Variants in MAPKAP1 observed in about 807,000 individuals in gnomAD.
MAPKAP1 encodes MAPK associated protein 1, also known as target of rapamycin complex 2 subunit MAPKAP1.
MAPKAP1 carries 20 observed loss-of-function variants against 65.7 expected under a neutral mutation model. The ratio of observed to expected loss-of-function variants is 0.30; its 90% CI spans 0.21 to 0.44. The LOEUF is 0.44. Ranked by LOEUF, MAPKAP1 falls within the 20% of genes least tolerant of loss-of-function variation. MAPKAP1 has a pLI of 1.00. For missense variants in MAPKAP1, 423 were observed against 648.0 expected (o/e 0.65, Z 3.77); for synonymous variants, 222 against 244.3 (o/e 0.91, Z 0.85).
At chr9:125,692,389 C>A (rs1230726457) in intron 1 of MAPKAP1, among the ~76,000 whole-genome samples, 1 of 152,172 alleles carries the variant, frequency 6.6e-6, no homozygotes, top group Middle Eastern at 3.2e-3. Context: ...AAAATTATTA[C>A]ATTATATCAA....
intron 1 of MAPKAP1, among the ~76,000 whole-genome samples, chr9:125,686,979 C>T (rs1452805367): frequency 1.3e-5 from 2 of 152,022 alleles, no homozygotes; most frequent in East Asian, 1.9e-4. Context: ...GGTGCCACCA[C>T]CACGCCCGGC....
chr9:125,586,430 A>C (rs1453363744), intron 4 of MAPKAP1, among the ~76,000 whole-genome samples: 6 of 151,074 alleles, frequency 4.0e-5, no homozygotes, highest in African/African-American at 1.2e-4. Flanking sequence ...GATTTCCTCT[A>C]CCTCTTGGAC....
At chr9:125,521,200 G>C (rs192705603) in intron 7 of MAPKAP1, among the ~76,000 whole-genome samples, 94 of 152,322 alleles carry the variant, frequency 6.2e-4, no homozygotes, top group Admixed American at 2.5e-3. Context: ...CTACCATGAG[G>C]AGTGCTAATA....
chr9:125,694,526 T>C (rs971330890), intron 1 of MAPKAP1, among the ~76,000 whole-genome samples: 1 of 152,036 alleles, frequency 6.6e-6, no homozygotes, highest in Non-Finnish European at 1.5e-5. Context: ...TTTCCTTAAC[T>C]AAAAAAAGGC....
At chr9:125,705,802 A>C (rs1835739565) in intron 1 of MAPKAP1, among the ~76,000 whole-genome samples, 1 of 152,222 alleles carries the variant, frequency 6.6e-6, no homozygotes, top group South Asian at 2.1e-4. Flanking sequence ...GGGGAAACCT[A>C]GGCAAGGTAG....
chr9:125,707,206 G>A lies in MAPKAP1; in HGVS notation c.-305C>T. 1.0e-5 allele frequency: 4 copies of A among 397,164 alleles called. No homozygotes were observed. The highest frequency in any genetic ancestry group is 1.8e-5 in the Non-Finnish European group (4 of 225,256). 24.6% of individuals were successfully genotyped at this position (397,164 alleles called of 1,614,324 possible). On this transcript the variant is annotated 5_prime_UTR_variant, in exon 1 of 12. Transcript: ENST00000265960. The stretch of plus-strand genomic sequence containing the variant: ...AGCCCTATTACCCCGAGCCGCACAC[G>A]ACCCGGAACCACACCCCGGCGTTCC...
At chr9:125,556,488 C>G (rs1830738779) in intron 6 of MAPKAP1, among the ~76,000 whole-genome samples, 1 of 152,230 alleles carries the variant, frequency 6.6e-6, no homozygotes, top group African/African-American at 2.4e-5. Context: ...TTCCACGCCT[C>G]TAAATTGTTC....
At chr9:125,523,408 G>A (rs1338480951) in intron 7 of MAPKAP1, among the ~76,000 whole-genome samples, 1 of 152,228 alleles carries the variant, frequency 6.6e-6, no homozygotes, top group East Asian at 1.9e-4. Context: ...GCAGTTGGGA[G>A]AATTCCACTT....
At chr9:125,502,537 ATTTC>A (rs767525026) in intron 8 of MAPKAP1, among the ~76,000 whole-genome samples, 1 of 152,128 alleles carries the variant, frequency 6.6e-6, no homozygotes, top group Non-Finnish European at 1.5e-5. Flanking sequence ...TTCTATTATT[ATTTC>A]TTTATTAAAC....
chr9:125,631,165 C>T (rs987117355), intron 4 of MAPKAP1, among the ~76,000 whole-genome samples: 2 of 152,052 alleles, frequency 1.3e-5, no homozygotes, highest in Non-Finnish European at 2.9e-5. Context: ...TCTCTGCATT[C>T]CCCAGCTCCC....
intron 4 of MAPKAP1, among the ~76,000 whole-genome samples, 183 bp from the exon 5 acceptor site, chr9:125,585,910 C>T (rs1316259702): frequency 1.3e-5 from 2 of 152,118 alleles, no homozygotes; most frequent in African/African-American, 2.4e-5. Context: ...CTTAAATTTT[C>T]ATTTTATAAT....
At chr9:125,616,890 CTTTT>C (rs1046463481) in intron 4 of MAPKAP1, among the ~76,000 whole-genome samples, 3 of 152,128 alleles carry the variant, frequency 2.0e-5, no homozygotes, top group African/African-American at 7.2e-5. Context: ...TTCAACCAAT[CTTTT>C]CTTTTAAAAT....
intron 4 of MAPKAP1, among the ~76,000 whole-genome samples, chr9:125,654,324 C>A (rs1011999442): frequency 6.6e-6 from 1 of 152,142 alleles, no homozygotes; most frequent in Non-Finnish European, 1.5e-5. Context: ...CCGTTCTCAA[C>A]AATGCTTAAG....
At chr9:125,666,208 C>T (rs1834335636) in intron 3 of MAPKAP1, among the ~76,000 whole-genome samples, 1 of 152,302 alleles carries the variant, frequency 6.6e-6, no homozygotes, top group Non-Finnish European at 1.5e-5. Context: ...TTACAAGGAT[C>T]TTACTCTAAG....
At chr9:125,631,687 C>T (rs1473470062) in intron 4 of MAPKAP1, among the ~76,000 whole-genome samples, 1 of 152,178 alleles carries the variant, frequency 6.6e-6, no homozygotes, top group African/African-American at 2.4e-5. Context: ...CTTGATCAAG[C>T]CTCGTCTCTC....
intron 1 of MAPKAP1, among the ~76,000 whole-genome samples, chr9:125,674,903 AATTT>A (rs1834600868): frequency 6.6e-6 from 1 of 152,204 alleles, no homozygotes; most frequent in Non-Finnish European, 1.5e-5. Flanking sequence ...TTAAGCATCA[AATTT>A]CTGAGATATC....
intron 7 of MAPKAP1, among the ~76,000 whole-genome samples, chr9:125,530,989 C>G (rs372237057): frequency 1.1e-4 from 17 of 152,210 alleles, no homozygotes; most frequent in African/African-American, 3.9e-4. Context: ...GTATTATTAC[C>G]TCTATTTACA....
intron 7 of MAPKAP1, among the ~76,000 whole-genome samples, chr9:125,526,044 G>A (rs1829757309): frequency 6.6e-6 from 1 of 152,242 alleles, no homozygotes; most frequent in Non-Finnish European, 1.5e-5. Flanking sequence ...AGAGAACAAT[G>A]GCTGGCTGCC....
intron 8 of MAPKAP1, among the ~76,000 whole-genome samples, chr9:125,488,736 C>T (rs930121725): frequency 2.4e-4 from 36 of 152,152 alleles, no homozygotes; most frequent in African/African-American, 8.0e-4. Flanking sequence ...CACTTCTCTG[C>T]CCATGCTAGC....
Sources: gnomAD v4.1 joint callset for allele counts (sites outside exome capture counted in the v4.1 genomes callset) on GRCh38, gnomAD v4.1.1 for gene constraint, MANE v1.5 for transcripts, NCBI Gene and HGNC (gene_info 2026-07-23, HGNC 2026-07-21) for gene names.